Variants in COL1A2 observed in about 807,000 individuals in gnomAD.
The protein encoded by COL1A2 is collagen alpha-2(I) chain.
A neutral mutation model predicts 174.3 loss-of-function variants in COL1A2; 49 were observed. The ratio of observed to expected loss-of-function variants is 0.28; its 90% CI spans 0.22 to 0.36. COL1A2 has a LOEUF of 0.36. Among genes scored for constraint, COL1A2 ranks in the 10% least tolerant of loss-of-function variants. COL1A2 has a pLI of 1.00. For synonymous variants in COL1A2, 655 were observed against 606.6 expected (o/e 1.08, Z -1.17); for missense variants, 1,438 against 1,822.7 (o/e 0.79, Z 3.84).
intron 50 of COL1A2, 84 bp from the exon 51 acceptor site, chr7:94,429,104 T>TC (rs1792345472): frequency 9.5e-7 from 1 of 1,054,982 alleles, no homozygotes; most frequent in South Asian, 1.4e-5. Flanking sequence ...AGATCTTTTT[T>TC]TTTCTTTTTT....
intron 10 of COL1A2, 143 bp downstream of exon 10, chr7:94,405,395 T>C: frequency 1.2e-6 from 1 of 847,136 alleles, no homozygotes; most frequent in South Asian, 1.6e-5. Flanking sequence ...GAAAAAAGCC[T>C]AGTTAAAAAA....
chr7:94,422,216 C>T (rs969588260), intron 39 of COL1A2, among the ~76,000 whole-genome samples: 2 of 150,080 alleles, frequency 1.3e-5, no homozygotes, highest in Admixed American at 6.6e-5. Flanking sequence ...AACAAAAAAA[C>T]GAACAGTTTT....
rs1270445631 is a variant in COL1A2, at chr7:94,411,071, C to T, written c.1267C>T (p.Arg423Cys). Reference protein sequence around the residue: ...RAGVMGPPGSRGASGPAGVRG... With the variant: ...RAGVMGPPGSCGASGPAGVRG... ...TTTTGAATAGGGCCCTCCTGGTAGTCGTGGTGCAAGTGGCCCTGCTGGAGT... is the reference window on the plus strand; with the variant it reads ...TTTTGAATAGGGCCCTCCTGGTAGTTGTGGTGCAAGTGGCCCTGCTGGAGT... Residue 423 changes from arginine (R) to cysteine (C), a missense_variant, in exon 23 of 52, where the codon CGT (arginine) becomes TGT (cysteine). By Grantham distance (180) the Arg-to-Cys change is radical. This residue lies in a region of COL1A2 where 867 missense variants were observed against 1,213.7 expected (regional missense o/e 0.71). Coordinates refer to ENST00000297268, the MANE Select transcript of COL1A2 (RefSeq NM_000089.4). 4.4e-5 allele frequency: 70 copies of T among 1,598,390 alleles called. No homozygotes were observed. The highest frequency in any genetic ancestry group is 5.5e-5 in the Non-Finnish European group (65 of 1,174,124).
Position 94,429,318 on chromosome 7 carries a change from A to T in COL1A2, c.3842A>T (p.Glu1281Val). Residue 1281 changes from glutamate to valine, a missense_variant, in exon 51 of 52, where the codon GAG becomes GTG. By Grantham distance (121) the Glu-to-Val change is moderately radical. Transcript: ENST00000297268. ...AAGAACAGCATTGCATACATGGATG[A>T]GGAGACTGGCAACCTGAAAAAGGCT... is the stretch of plus-strand genomic sequence containing the variant. ...HCKNSIAYMD[E>V]ETGNLKKAVI... is the part of the protein sequence containing the mutation. 6.2e-7 allele frequency: 1 copy of T among 1,614,118 alleles called. No homozygotes were observed. The highest frequency in any genetic ancestry group is 8.5e-7 in the Non-Finnish European group (1 of 1,180,008).
chr7:94,429,125 T>A, intron 50 of COL1A2, 63 bp from the exon 51 acceptor site: 2 of 1,076,274 alleles, frequency 1.9e-6, no homozygotes, highest in Non-Finnish European at 2.7e-6. Flanking sequence ...TTTTTTTTCA[T>A]GTTTGACTCT....
intron 46 of COL1A2, 117 bp downstream of exon 46, chr7:94,426,647 A>T: frequency 2.4e-6 from 2 of 848,412 alleles, no homozygotes; most frequent in South Asian, 2.9e-5. Context: ...TCCATTTCCC[A>T]TTCTCTGGCT....
At chr7:94,420,885 CAGAT>C (rs1247293891) in intron 37 of COL1A2, 120 bp from the exon 38 acceptor site, 4 of 1,023,586 alleles carry the variant, frequency 3.9e-6, no homozygotes, top group South Asian at 1.3e-5. Context: ...CATTCTGACA[CAGAT>C]AGTCATTTTT....
intron 30 of COL1A2, 87 bp from the exon 31 acceptor site, chr7:94,416,318 A>C: frequency 8.5e-7 from 1 of 1,170,420 alleles, no homozygotes; most frequent in African/African-American, 1.5e-5. Context: ...AGGGCTCGGA[A>C]GCTACACAAA....
At chr7:94,421,456 G>T (rs1329399885) in intron 38 of COL1A2, 1 of 381,574 alleles carries the variant, frequency 2.6e-6, no homozygotes, top group Non-Finnish European at 4.8e-6. Flanking sequence ...TCTCTCACTG[G>T]ACAGTGCTGA....
chr7:94,405,557 T>C, intron 10 of COL1A2, 116 bp from the exon 11 acceptor site: 2 of 969,016 alleles, frequency 2.1e-6, no homozygotes, highest in Non-Finnish European at 3.4e-6. Flanking sequence ...AGAGGTATAC[T>C]AGACTTTGGT....
chr7:94,418,345 T>A (rs1480043455), intron 32 of COL1A2, among the ~76,000 whole-genome samples, 154 bp from the exon 33 acceptor site: 1 of 152,306 alleles, frequency 6.6e-6, no homozygotes, highest in South Asian at 2.1e-4. Flanking sequence ...CGATTAACAT[T>A]CTACAGAATG....
chr7:94,415,276 T>G lies in COL1A2; in HGVS notation c.1764+6T>G. On this transcript the variant is annotated splice_donor_region_variant and intron_variant, in intron 30 of 51. Coordinates refer to ENST00000297268, the MANE Select transcript of COL1A2 (RefSeq NM_000089.4). ...CTGGTCCTGCTGGTCCAAGAGTAAG[T>G]GTTACTTCATTAACTTTCATAAACT... 6.2e-7 allele frequency: 1 copy of G among 1,613,402 alleles called. No individual in the cohort carries two copies. Among genetic ancestry groups the G allele is most frequent in the Admixed American group, 1.7e-5 (1 of 60,028 alleles).
rs767043956 is a variant in COL1A2, at chr7:94,404,844, T to A, written c.384T>A (p.Pro128=). The A allele has an allele frequency of 6.8e-6, 11 of 1,614,016 alleles. No individual in the cohort carries two copies. Among genetic ancestry groups the A allele is most frequent in the Non-Finnish European group, 9.3e-6 (11 of 1,180,014 alleles). ...TGGGTCTCCCATTTTCTTAGGGTCC[T>A]GCAGGTGCTCGTGGTCCAGCTGGCC... is the stretch of plus-strand genomic sequence containing the variant. ...GEPGEPGQTG[P]AGARGPAGPP... The change falls in exon 9 of 52, where the codon CCT becomes CCA. Residue 128 remains proline, a synonymous_variant. Coordinates refer to ENST00000297268, the MANE Select transcript of COL1A2 (RefSeq NM_000089.4).
At chr7:94,395,236 C>T (rs777530713) in intron 1 of COL1A2, 135 bp downstream of exon 1, 2 of 798,778 alleles carry the variant, frequency 2.5e-6, no homozygotes, top group South Asian at 2.7e-5. Context: ...TGTGGGAAAA[C>T]GCCGGAATTG....
At position 94,411,145 on chromosome 7, in the gene COL1A2, G is replaced by C; in HGVS notation, c.1341G>C (p.Met447Ile). 1 of 1,580,968 alleles carries C rather than the reference G, an allele frequency of 6.3e-7. No homozygotes were observed. Among genetic ancestry groups the C allele is most frequent in the South Asian group, 1.2e-5 (1 of 86,762 alleles). ...DAGRPGEPGLMGPRGLPGSPG... is the reference protein window; with the variant it reads ...DAGRPGEPGLIGPRGLPGSPG... ...GTCGCCCTGGGGAGCCTGGTCTCAT[G>C]GGACCCAGAGTAAGTTTCAAACTGA... Residue 447 changes from methionine to isoleucine, a missense_variant, in exon 23 of 52, where the codon ATG becomes ATC. Met to Ile is a conservative substitution (Grantham distance 10). Coordinates refer to ENST00000297268, the MANE Select transcript of COL1A2 (RefSeq NM_000089.4).
At position 94,410,954 on chromosome 7, in the gene COL1A2, A is replaced by G; in HGVS notation, c.1251+12A>G. 2 of 1,613,402 alleles carry G rather than the reference A, an allele frequency of 1.2e-6. No individual in the cohort carries two copies. The highest frequency in any genetic ancestry group is 8.5e-7 in the Non-Finnish European group (1 of 1,179,906). On this transcript the variant is annotated intron_variant, in intron 22 of 51. Transcript: ENST00000297268. ...GAGCTGGCGTCATGGTAAGCTGTCT[A>G]TCACTTACTTCCTAGAAAGGGGCTT...
intron 37 of COL1A2, 142 bp from the exon 38 acceptor site, chr7:94,420,867 T>C: frequency 1.1e-6 from 1 of 936,562 alleles, no homozygotes; most frequent in Non-Finnish European, 1.7e-6. Flanking sequence ...GGTGGTAATA[T>C]TGAAGAACAT....
chr7:94,429,352 A>G lies in COL1A2; in HGVS notation c.3876A>G (p.Leu1292=), dbSNP rs754283818. 6 of 1,613,898 alleles carry G rather than the reference A, an allele frequency of 3.7e-6. No individual in the cohort carries two copies. The African/African-American group carries it at 4.0e-5, about 11-fold the overall frequency. The change falls in exon 51 of 52, where the codon CTA becomes CTG. Residue 1292 remains leucine, a synonymous_variant. Transcript: ENST00000297268. Reference sequence around the variant, plus strand: ...GCAACCTGAAAAAGGCTGTCATTCTACAGGGCTCTAATGATGTTGAACTTG... The same window carrying G: ...GCAACCTGAAAAAGGCTGTCATTCTGCAGGGCTCTAATGATGTTGAACTTG... ...ETGNLKKAVI[L]QGSNDVELVA...
In COL1A2 at chr7:94,422,951, T is replaced by A; in HGVS notation, c.2404-6T>A. 2 of 1,614,150 alleles carry A rather than the reference T, an allele frequency of 1.2e-6. No individual in the cohort carries two copies. The highest frequency in any genetic ancestry group is 1.7e-6 in the Non-Finnish European group (2 of 1,180,006). ...AAAGGAAATGACCTTGTACATTTGCTCATAGGGTATTTCTGGCCCTCCTGG... is the reference window on the plus strand; with the variant it reads ...AAAGGAAATGACCTTGTACATTTGCACATAGGGTATTTCTGGCCCTCCTGG... On this transcript the variant is annotated splice_polypyrimidine_tract_variant and splice_region_variant and intron_variant, in intron 39 of 51. Transcript: ENST00000297268.
Sources: allele counts gnomAD v4.1 joint callset (sites outside exome capture counted in the v4.1 genomes callset), GRCh38; gene constraint gnomAD v4.1.1; regional missense constraint gnomAD v4.1.1; transcripts MANE v1.5; gene names NCBI Gene and HGNC (gene_info 2026-07-23, HGNC 2026-07-21).